Variants in MSI2 observed in about 807,000 individuals in gnomAD.
MSI2 encodes the protein musashi RNA binding protein 2.
In MSI2, 17 loss-of-function variants were observed where a neutral mutation model predicts 45.6. That is an observed-to-expected ratio of 0.37 (90% CI 0.26 to 0.56). The LOEUF is 0.56. MSI2 is among the 20% of genes least tolerant of loss of function. MSI2 has a pLI of 0.77. For missense variants in MSI2, 293 were observed against 444.2 expected (o/e 0.66, Z 3.06); for synonymous variants, 156 against 158.2 (o/e 0.99, Z 0.11).
At chr17:57,632,670 T>C in intron 10 of MSI2, 1 of 1,066,126 alleles carries the variant, frequency 9.4e-7, no homozygotes, top group East Asian at 5.0e-5. Context: ...TCCCATGGCT[T>C]GACTTCCTTC....
intron 6 of MSI2, chr17:57,444,636 T>G (rs1230220811): frequency 6.6e-6 from 1 of 151,878 alleles, no homozygotes; most frequent in African/African-American, 2.4e-5. Context: ...CCCTTCACTG[T>G]GGGCCCATGA....
chr17:57,326,431 G>T (rs747906386), intron 5 of MSI2, among the ~76,000 whole-genome samples: 1 of 152,092 alleles, frequency 6.6e-6, no homozygotes, highest in East Asian at 1.9e-4. Context: ...CATCCAAACC[G>T]ATTTGGCCCC....
At chr17:57,477,515 C>A (rs542322273) in intron 6 of MSI2, among the ~76,000 whole-genome samples, 1 of 152,118 alleles carries the variant, frequency 6.6e-6, no homozygotes, top group African/African-American at 2.4e-5. Context: ...CCCCACCTCC[C>A]GCAAGCAAAG....
intron 6 of MSI2, among the ~76,000 whole-genome samples, chr17:57,485,014 C>A (rs2085724540): frequency 6.6e-6 from 1 of 152,244 alleles, no homozygotes; most frequent in Admixed American, 6.5e-5. Flanking sequence ...TTTGTCTGAG[C>A]AGATTCATAT....
At chr17:57,616,779 C>T (rs1406105590) in intron 9 of MSI2, 6 of 152,094 alleles carry the variant, frequency 3.9e-5, no homozygotes, top group African/African-American at 9.7e-5. Flanking sequence ...AAAATCTTAC[C>T]GCTTAAATGG....
chr17:57,457,145 A>T (rs1286636997), intron 6 of MSI2, among the ~76,000 whole-genome samples: 1 of 152,196 alleles, frequency 6.6e-6, no homozygotes, highest in African/African-American at 2.4e-5. Flanking sequence ...AGAGGTGGAG[A>T]TGTTAGAGAA....
Position 57,652,295 on chromosome 17 carries a change from G to C in MSI2, c.790+134G>C, listed in dbSNP as rs1006356869. ...CCACAGCCCCGGGGAGGGGGTGGAC[G>C]GGGAGGGGGTGGACCGGGAGGCGCG... On this transcript the variant is annotated intron_variant, in intron 11 of 13. Coordinates refer to ENST00000284073, the MANE Select transcript of MSI2 (RefSeq NM_138962.4). The surrounding 1 kb of genome is among the most constrained non-coding windows in gnomAD (Gnocchi z 4.1). The C allele has an allele frequency of 2.1e-6, 2 of 945,686 alleles. No homozygotes were observed. The highest frequency in any genetic ancestry group is 3.2e-6 in the Non-Finnish European group (2 of 626,286). 58.6% of individuals were successfully genotyped at this position (945,686 alleles called of 1,614,324 possible).
chr17:57,530,104 T>C (rs1193091689), intron 7 of MSI2, among the ~76,000 whole-genome samples: 12 of 152,212 alleles, frequency 7.9e-5, no homozygotes, highest in Non-Finnish European at 5.9e-5. Context: ...GGAGGTTCTT[T>C]AGGAGCAGAC....
In MSI2 at chr17:57,653,828, G is replaced by A. The variant is rs1388614382; in HGVS notation, c.790+1667G>A. Among the ~76,000 whole-genome samples, 5 of 151,960 alleles carry A rather than the reference G, an allele frequency of 3.3e-5. No homozygotes were observed. In the South Asian group the frequency reaches 6.2e-4, roughly 19 times the overall value. ...TATGAGTCTGAGAGCCGTCTCCCAC[G>A]GTCTGTGCCCCCTTCTGCCACCCTA... On this transcript the variant is annotated intron_variant, in intron 11 of 13. Transcript: ENST00000284073.
At chr17:57,512,974 T>TTTTTTTC in intron 6 of MSI2, among the ~76,000 whole-genome samples, 1 of 141,466 alleles carries the variant, frequency 7.1e-6, no homozygotes, top group Non-Finnish European at 1.5e-5. Flanking sequence ...CTTCCTTTTT[T>TTTTTTTC]TTTTTTTTTT....
intron 5 of MSI2, among the ~76,000 whole-genome samples, chr17:57,388,522 A>G (rs934211523): frequency 3.9e-5 from 6 of 152,154 alleles, no homozygotes; most frequent in Admixed American, 3.9e-4. Context: ...AGCTAATCCT[A>G]GCCCGCATGC....
In MSI2 at chr17:57,682,136, G is replaced by GTTATTTCA. The variant is rs1340801219; in HGVS notation, c.*2620_*2621insTATTTCAT. The GTTATTTCA allele has an allele frequency of 1.0e-5, 2 of 195,228 alleles. No homozygotes were observed. Among genetic ancestry groups the GTTATTTCA allele is most frequent in the Non-Finnish European group, 2.1e-5 (2 of 94,062 alleles). The allele number at this position is 195,228 out of a possible 1,614,324, so 12.1% of individuals were successfully genotyped here. A position where few individuals can be genotyped will look rare whatever the true frequency, so the allele number is the denominator to read the frequency against. ...ACATAGTTATTCAGATTTAGGACCA[G>GTTATTTCA]TAAGGATAGAACTTTCTCTTATTTA... On this transcript the variant is annotated 3_prime_UTR_variant, in exon 14 of 14. Coordinates refer to ENST00000284073, the MANE Select transcript of MSI2 (RefSeq NM_138962.4).
rs371657394 is a variant in MSI2 at position 57,652,011 on chromosome 17, CG to C, written c.728-82del. Reference sequence around the variant, plus strand: ...CCCACTCCTGTCTTTGTGTGGAGGGCGGGGGGTTGTGTGGCCCGTGACCTAG... The same window carrying C: ...CCCACTCCTGTCTTTGTGTGGAGGGCGGGGGTTGTGTGGCCCGTGACCTAG... On this transcript the variant is annotated intron_variant, in intron 10 of 13. Transcript: ENST00000284073. The surrounding 1 kb of genome is among the most constrained non-coding windows in gnomAD (Gnocchi z 4.1). The C allele has an allele frequency of 4.8e-5, 58 of 1,205,290 alleles. No homozygotes were observed. In the African/African-American group the frequency reaches 7.3e-4, roughly 15 times the overall value. 74.7% of individuals were successfully genotyped at this position (1,205,290 alleles called of 1,614,324 possible).
At chr17:57,260,856 T>C (rs12451878) in intron 4 of MSI2, among the ~76,000 whole-genome samples, 6,298 of 152,180 alleles carry the variant, frequency 0.041, 186 homozygotes, top group East Asian at 0.077. Flanking sequence ...ACAAATGAAC[T>C]ATCCTCCGTG....
At chr17:57,489,471 C>T (rs2085824151) in intron 6 of MSI2, among the ~76,000 whole-genome samples, 1 of 152,174 alleles carries the variant, frequency 6.6e-6, no homozygotes, top group South Asian at 2.1e-4. Context: ...CCAAATGGCC[C>T]TGGGGTTCTG....
chr17:57,525,663 T>C (rs537258599), intron 6 of MSI2, among the ~76,000 whole-genome samples: 1 of 152,318 alleles, frequency 6.6e-6, no homozygotes, highest in Admixed American at 6.5e-5. Flanking sequence ...CCCAAGTTAT[T>C]ACAAGGTACA....
At chr17:57,644,715 G>C (rs1036389299) in intron 10 of MSI2, among the ~76,000 whole-genome samples, 1 of 152,148 alleles carries the variant, frequency 6.6e-6, no homozygotes, top group African/African-American at 2.4e-5. Flanking sequence ...GGGGAAGGGG[G>C]TGGAGAGTGC....
intron 6 of MSI2, among the ~76,000 whole-genome samples, chr17:57,468,681 C>T (rs1249964092): frequency 6.6e-6 from 1 of 152,128 alleles, no homozygotes; most frequent in Non-Finnish European, 1.5e-5. Context: ...GCACACAGCA[C>T]ACTGCTTGCT....
At chr17:57,411,182 T>C (rs1193879118) in intron 6 of MSI2, among the ~76,000 whole-genome samples, 1 of 152,064 alleles carries the variant, frequency 6.6e-6, no homozygotes, top group Non-Finnish European at 1.5e-5. Flanking sequence ...TTTTTTTGTA[T>C]TTTTAGTAGA....
Sources: gnomAD v4.1 joint callset for allele counts (sites outside exome capture counted in the v4.1 genomes callset) on GRCh38, gnomAD v4.1.1 for gene constraint, Gnocchi (gnomAD v3.1) non-coding constraint, MANE v1.5 for transcripts, NCBI Gene and HGNC (gene_info 2026-07-23, HGNC 2026-07-21) for gene names.